TAS2R1: variants seen among roughly 807,000 people sequenced by gnomAD.
TAS2R1 encodes the protein taste 2 receptor member 1.
For synonymous variants in TAS2R1, 141 were observed against 134.2 expected (o/e 1.05, Z -0.35); for missense variants, 370 against 353.4 (o/e 1.05, Z -0.38).
chr5:9,703,892 A>G (rs1450948351), intron 1 of TAS2R1, among the ~76,000 whole-genome samples: 1 of 152,260 alleles, frequency 6.6e-6, no homozygotes, highest in Non-Finnish European at 1.5e-5. Context: ...GCATACTCAT[A>G]GAACACCTAA....
chr5:9,630,146 CA>C lies in TAS2R1; in HGVS notation c.-115del. ...GGACTCCTCTGGGGAAGAAGACTAACAATAAAGGCATGGGGCAGGAAGGTGG... is the reference window on the plus strand; with the variant it reads ...GGACTCCTCTGGGGAAGAAGACTAACATAAAGGCATGGGGCAGGAAGGTGG... On this transcript the variant is annotated 5_prime_UTR_variant, in exon 1 of 1. In the 5' UTR this introduces an upstream ATG that the reference lacks. Coordinates refer to ENST00000382492, the MANE Select transcript of TAS2R1 (RefSeq NM_019599.3). The C allele has an allele frequency of 1.2e-6, 1 of 850,044 alleles. No homozygotes were observed. The highest frequency in any genetic ancestry group is 1.8e-6 in the Non-Finnish European group (1 of 568,872). 52.7% of individuals were successfully genotyped at this position (850,044 alleles called of 1,614,324 possible).
At chr5:9,641,139 C>T (rs976595071) in intron 2 of TAS2R1, among the ~76,000 whole-genome samples, 2 of 152,214 alleles carry the variant, frequency 1.3e-5, no homozygotes, top group Admixed American at 1.3e-4. Context: ...TGACAGGAAA[C>T]TAGCAGAGAT....
Position 9,629,043 on chromosome 5 carries a change from G to T in TAS2R1, c.*90C>A. The T allele has an allele frequency of 7.3e-7, 1 of 1,366,824 alleles. No individual in the cohort carries two copies. The highest frequency in any genetic ancestry group is 1.4e-5 in the African/African-American group (1 of 69,150). The allele number at this position is 1,366,824 out of a possible 1,614,324, so 84.7% of individuals were successfully genotyped here. A position where few individuals can be genotyped will look rare whatever the true frequency, so the allele number is the denominator to read the frequency against. ...TGAAGGGGACATGTTGTATATTTAT[G>T]AACAGGCTGCTTTGTCTGGCTGAGG... is the stretch of plus-strand genomic sequence containing the variant. On this transcript the variant is annotated 3_prime_UTR_variant, in exon 1 of 1. Coordinates refer to ENST00000382492, the MANE Select transcript of TAS2R1 (RefSeq NM_019599.3).
the TAS2R1 span, among the ~76,000 whole-genome samples, chr5:9,816,413 G>C: frequency 5.8e-4 from 88 of 152,058 alleles, no homozygotes; most frequent in African/African-American, 2.1e-3. Flanking sequence ...TTAAAATAAG[G>C]TTTTAAAAAC....
At chr5:9,723,488 G>A in the TAS2R1 span, among the ~76,000 whole-genome samples, 1 of 152,180 alleles carries the variant, frequency 6.6e-6, no homozygotes, top group Non-Finnish European at 1.5e-5. Flanking sequence ...TGCCACACCT[G>A]TTCCCCATGA....
the TAS2R1 span, among the ~76,000 whole-genome samples, chr5:9,810,641 A>G: frequency 6.6e-6 from 1 of 152,090 alleles, no homozygotes; most frequent in African/African-American, 2.4e-5. Context: ...AGCAATGGAG[A>G]GATTACCACC....
chr5:9,629,486 A>G lies in TAS2R1; in HGVS notation c.547T>C (p.Phe183Leu). ...AIQIFSFVAEFSVPLLIFLFA... is the reference protein window; with the variant it reads ...AIQIFSFVAELSVPLLIFLFA... ...AGGAAGATAAGCAATGGCACTGAGAACTCAGCAACAAAAGAGAAAATCTGT... is the reference window on the plus strand; with the variant it reads ...AGGAAGATAAGCAATGGCACTGAGAGCTCAGCAACAAAAGAGAAAATCTGT... Residue 183 changes from phenylalanine to leucine, a missense_variant, in exon 1 of 1, where the codon TTC (phenylalanine) becomes CTC (leucine). By Grantham distance (22) the Phe-to-Leu change is conservative (BLOSUM62 0). Coordinates refer to ENST00000382492, the MANE Select transcript of TAS2R1 (RefSeq NM_019599.3). The G allele has an allele frequency of 6.2e-7, 1 of 1,614,196 alleles. No homozygotes were observed. Among genetic ancestry groups the G allele is most frequent in the Non-Finnish European group, 8.5e-7 (1 of 1,180,034 alleles).
the TAS2R1 span, among the ~76,000 whole-genome samples, chr5:9,840,871 T>TGAGA: frequency 5.5e-5 from 1 of 18,240 alleles, no homozygotes; most frequent in African/African-American, 1.8e-4. Context: ...TTTTTTTTTT[T>TGAGA]TTTTTTTTTT....
At chr5:9,770,115 T>C in the TAS2R1 span, among the ~76,000 whole-genome samples, 1 of 152,148 alleles carries the variant, frequency 6.6e-6, no homozygotes, top group African/African-American at 2.4e-5. Flanking sequence ...GGTCTAGTAT[T>C]GTTCTTCTTC....
the TAS2R1 span, among the ~76,000 whole-genome samples, chr5:9,854,153 G>A: frequency 2.6e-5 from 4 of 152,142 alleles, no homozygotes; most frequent in Admixed American, 6.5e-5. Flanking sequence ...CTAAAGGTTT[G>A]CTCGCTGGGA....
At chr5:9,701,213 GACACGCAGACAC>G (rs1283696806) in intron 1 of TAS2R1, among the ~76,000 whole-genome samples, 1 of 125,376 alleles carries the variant, frequency 8.0e-6, no homozygotes, top group Admixed American at 8.7e-5. Flanking sequence ...CAACATGGCA[GACACGCAGACAC>G]ACACACACAC....
At chr5:9,711,307 T>G (rs1460518125) in intron 1 of TAS2R1, among the ~76,000 whole-genome samples, 5 of 152,082 alleles carry the variant, frequency 3.3e-5, no homozygotes, top group Admixed American at 3.3e-4. Context: ...ATACAGTATA[T>G]CCATACAATG....
At chr5:9,848,834 TAAATTGGTGTTTGTGTTTTTGCCTGCAAC>T in the TAS2R1 span, among the ~76,000 whole-genome samples, 1 of 152,196 alleles carries the variant, frequency 6.6e-6, no homozygotes, top group Admixed American at 6.5e-5. Context: ...TCTACCTCTT[TAAATTGGTGTTTGTGTTTTTGCCTGCAAC>T]TAATATACCT....
chr5:9,742,194 A>G, the TAS2R1 span, among the ~76,000 whole-genome samples: 1 of 152,130 alleles, frequency 6.6e-6, no homozygotes, highest in African/African-American at 2.4e-5. Flanking sequence ...CTGCACAAAC[A>G]AGATTTTAAA....
intron 1 of TAS2R1, among the ~76,000 whole-genome samples, chr5:9,700,227 G>C (rs1215817088): frequency 6.6e-6 from 1 of 152,120 alleles, no homozygotes; most frequent in East Asian, 1.9e-4. Flanking sequence ...TCAGTATCCA[G>C]CTTAGGGTTC....
At chr5:9,871,208 A>G in the TAS2R1 span, among the ~76,000 whole-genome samples, 1 of 152,138 alleles carries the variant, frequency 6.6e-6, no homozygotes, top group African/African-American at 2.4e-5. Context: ...AGAGAATTGG[A>G]TTAAGAAAGC....
chr5:9,868,795 T>C, the TAS2R1 span, among the ~76,000 whole-genome samples: 3,262 of 152,244 alleles, frequency 0.021, 112 homozygotes, highest in African/African-American at 0.073. Flanking sequence ...CACTTAGAAT[T>C]TTCCTCTGCT....
chr5:9,731,492 C>T, the TAS2R1 span, among the ~76,000 whole-genome samples: 4 of 152,210 alleles, frequency 2.6e-5, no homozygotes, highest in Non-Finnish European at 5.9e-5. Flanking sequence ...ACAACGGATT[C>T]CCCTCTCTGA....
chr5:9,848,170 A>T, the TAS2R1 span, among the ~76,000 whole-genome samples: 2 of 152,228 alleles, frequency 1.3e-5, no homozygotes, highest in African/African-American at 4.8e-5. Flanking sequence ...TGCTTCTGTC[A>T]GCAATAAATT....
Sources: gnomAD v4.1 joint callset for allele counts (sites outside exome capture counted in the v4.1 genomes callset) on GRCh38, gnomAD v4.1.1 for gene constraint, MANE v1.5 for transcripts, NCBI Gene and HGNC (gene_info 2026-07-23, HGNC 2026-07-21) for gene names.